The following KIAA1191 variants were observed in gnomAD, a reference collection of about 807,000 sequenced individuals.
KIAA1191 encodes putative monooxygenase p33MONOX.
KIAA1191 carries 22 observed loss-of-function variants against 31.1 expected under a neutral mutation model. The observed-to-expected ratio is 0.71, with a 90% CI of 0.51 to 1.01. The LOEUF is 1.01. Ranked by LOEUF, KIAA1191 falls within the 50% of genes least tolerant of loss-of-function variation. The pLI is 0.00. For missense variants in KIAA1191, 319 were observed against 388.0 expected (o/e 0.82, Z 1.49); for synonymous variants, 130 against 143.9 (o/e 0.90, Z 0.69).
At position 176,347,931 on chromosome 5, in the gene KIAA1191, C is replaced by T; in HGVS notation, c.699G>A (p.Lys233=). Residue 233 remains lysine (K), a synonymous_variant, in exon 8 of 9, where the codon AAG becomes AAA. Transcript: ENST00000298569. ...WSLFGPRSLQ[K]YDSGSFATQA... is the part of the protein sequence containing the mutation. ...AAGGTGCTGCCTTACCAGAATCGTA[C>T]TTCTGAAGGGATCTCGGTCCAAAGA... The T allele has an allele frequency of 6.2e-7, 1 of 1,614,170 alleles. No individual in the cohort carries two copies. Among genetic ancestry groups the T allele is most frequent in the Non-Finnish European group, 8.5e-7 (1 of 1,180,034 alleles).
chr5:176,348,318 C>G lies in KIAA1191; in HGVS notation c.498G>C (p.Glu166Asp), dbSNP rs1365328112. The G allele has an allele frequency of 5.6e-6, 9 of 1,613,590 alleles. No homozygotes were observed. The highest frequency in any genetic ancestry group is 7.6e-6 in the Non-Finnish European group (9 of 1,179,976). Reference protein sequence around the residue: ...KLQSGEVTKEERQPASAQSTP... With the variant: ...KLQSGEVTKEDRQPASAQSTP... ...TGGACTGGGCTGATGCAGGCTGCCT[C>G]TCTTCTTTTGTTACCTCTCCACTCT... Residue 166 changes from glutamate (E) to aspartate (D), a missense_variant, in exon 7 of 9, where the codon GAG becomes GAC. By Grantham distance (45) the Glu-to-Asp change is conservative. Coordinates refer to ENST00000298569, the MANE Select transcript of KIAA1191 (RefSeq NM_020444.5).
intron 7 of KIAA1191, 90 bp from the exon 8 acceptor site, chr5:176,348,153 T>A: frequency 6.3e-7 from 1 of 1,593,178 alleles, no homozygotes; most frequent in South Asian, 1.1e-5. Context: ...AACTATCCCT[T>A]CTCCCTCTGA....
chr5:176,350,740 G>A lies in KIAA1191; in HGVS notation c.335-3C>T. On this transcript the variant is annotated splice_polypyrimidine_tract_variant and splice_region_variant and intron_variant, in intron 5 of 8. Coordinates refer to ENST00000298569, the MANE Select transcript of KIAA1191 (RefSeq NM_020444.5). Reference sequence around the variant, plus strand: ...CTGAATGCTTTCCTGGGTCTGTTCTGGGAACAGAGGAGATGACAGTCATGC... The same window carrying A: ...CTGAATGCTTTCCTGGGTCTGTTCTAGGAACAGAGGAGATGACAGTCATGC... 6.2e-7 allele frequency: 1 copy of A among 1,613,556 alleles called. No individual in the cohort carries two copies. Among genetic ancestry groups the A allele is most frequent in the East Asian group, 2.2e-5 (1 of 44,876 alleles).
intron 1 of KIAA1191, among the ~76,000 whole-genome samples, chr5:176,360,188 A>G (rs1767876903): frequency 7.9e-6 from 1 of 127,292 alleles, no homozygotes; most frequent in South Asian, 2.3e-4. Flanking sequence ...ACGGAGTCTC[A>G]CTCTGTCGCC....
chr5:176,354,784 C>G lies in KIAA1191; in HGVS notation c.207+787G>C, dbSNP rs534046599. On this transcript the variant is annotated intron_variant, in intron 4 of 8. Coordinates refer to ENST00000298569, the MANE Select transcript of KIAA1191 (RefSeq NM_020444.5). ...TACAAACCTAGACATGGCCCCTGTC[C>G]TCAGGAAGCTAATGGAGGGCGAGAA... Among the ~76,000 whole-genome samples the G allele has an allele frequency of 3.3e-5, 5 of 152,220 alleles. No individual in the cohort carries two copies. The East Asian group carries it at 9.7e-4, about 29-fold the overall frequency.
rs1767997991 is a variant in KIAA1191, at chr5:176,361,384, A to C, written c.-168+218T>G. On this transcript the variant is annotated intron_variant, in intron 1 of 8. Coordinates refer to ENST00000298569, the MANE Select transcript of KIAA1191 (RefSeq NM_020444.5). This position sits in a 1 kb window ranked among gnomAD's most constrained non-coding sequence, Gnocchi z 4.0. Reference sequence around the variant, plus strand: ...GAAGCCCGTACGGGAGCTGCAGGGCATTCCCGGAGAGAAGCCCCATTACGG... The same window carrying C: ...GAAGCCCGTACGGGAGCTGCAGGGCCTTCCCGGAGAGAAGCCCCATTACGG... The C allele has an allele frequency of 6.6e-6, 1 of 152,448 alleles. No homozygotes were observed. Among genetic ancestry groups the C allele is most frequent in the South Asian group, 2.1e-4 (1 of 4,834 alleles). 9.4% of individuals were successfully genotyped at this position (152,448 alleles called of 1,614,324 possible). A position where few individuals can be genotyped will look rare whatever the true frequency, so the allele number is the denominator to read the frequency against.
At chr5:176,356,741 T>G (rs1767536009) in intron 3 of KIAA1191, among the ~76,000 whole-genome samples, 3 of 152,178 alleles carry the variant, frequency 2.0e-5, no homozygotes, top group African/African-American at 7.2e-5. Context: ...GTCCAGAACC[T>G]ACCTGAAAGG....
In KIAA1191 at chr5:176,348,313, T is replaced by C. The variant is rs1766698792; in HGVS notation, c.503A>G (p.Gln168Arg). Residue 168 changes from glutamine to arginine, a missense_variant, in exon 7 of 9, where the codon CAG (glutamine) becomes CGG (arginine). By Grantham distance (43) the Gln-to-Arg change is conservative (BLOSUM62 1). Coordinates refer to ENST00000298569, the MANE Select transcript of KIAA1191 (RefSeq NM_020444.5). Reference protein sequence around the residue: ...QSGEVTKEERQPASAQSTPST... With the variant: ...QSGEVTKEERRPASAQSTPST... ...TGGGGTGGACTGGGCTGATGCAGGC[T>C]GCCTCTCTTCTTTTGTTACCTCTCC... The C allele has an allele frequency of 6.2e-7, 1 of 1,613,768 alleles. No individual in the cohort carries two copies. Among genetic ancestry groups the C allele is most frequent in the African/African-American group, 1.3e-5 (1 of 74,812 alleles).
At position 176,347,556 on chromosome 5, in the gene KIAA1191, G is replaced by A. The variant is rs1023692658; in HGVS notation, c.*44C>T. The A allele has an allele frequency of 1.4e-6, 2 of 1,387,250 alleles. No individual in the cohort carries two copies. Among genetic ancestry groups the A allele is most frequent in the Non-Finnish European group, 1.9e-6 (2 of 1,039,632 alleles). The allele number at this position is 1,387,250 out of a possible 1,614,324, so 85.9% of individuals were successfully genotyped here. A position where few individuals can be genotyped will look rare whatever the true frequency, so the allele number is the denominator to read the frequency against. ...TCAAAGCCAAGGTAAAAGGGGAGTG[G>A]GATGCAAGAAACCACCTTTACCAGA... is the stretch of plus-strand genomic sequence containing the variant. On this transcript the variant is annotated 3_prime_UTR_variant, in exon 9 of 9. Transcript: ENST00000298569.
At position 176,346,481 on chromosome 5, in the gene KIAA1191, A is replaced by T; in HGVS notation, c.*1119T>A. The T allele has an allele frequency of 6.6e-6, 1 of 152,270 alleles. No homozygotes were observed. The highest frequency in any genetic ancestry group is 1.9e-4 in the East Asian group (1 of 5,208). 9.4% of individuals were successfully genotyped at this position (152,270 alleles called of 1,614,324 possible). On this transcript the variant is annotated 3_prime_UTR_variant, in exon 9 of 9. Transcript: ENST00000298569. ...AACCTCAAGACTATAATCTAACGGT[A>T]TCTACCATCTCCTTTACTTTAAAAA...
chr5:176,356,378 A>G (rs187333417), intron 3 of KIAA1191, among the ~76,000 whole-genome samples: 17 of 152,318 alleles, frequency 1.1e-4, no homozygotes, highest in Non-Finnish European at 7.3e-5. Flanking sequence ...CTAGGGGTAA[A>G]GTGACCTTCC....
intron 5 of KIAA1191, 148 bp from the exon 6 acceptor site, chr5:176,350,885 C>T (rs983922656): frequency 1.0e-6 from 1 of 969,150 alleles, no homozygotes; most frequent in Non-Finnish European, 1.5e-6. Flanking sequence ...AGAGGCACCA[C>T]AGCAGTAATT....
chr5:176,359,422 T>C, intron 3 of KIAA1191, 59 bp downstream of exon 3: 3 of 1,517,354 alleles, frequency 2.0e-6, no homozygotes, highest in Non-Finnish European at 2.7e-6. Context: ...ATGGTTTCTG[T>C]CTAGCTTAAA....
At chr5:176,352,156 AAAAAAAAAAAAC>A (rs563130478) in intron 5 of KIAA1191, among the ~76,000 whole-genome samples, 165 of 148,326 alleles carry the variant, frequency 1.1e-3, no homozygotes, top group East Asian at 5.5e-3. Flanking sequence ...GAGCTGTTTA[AAAAAAAAAAAAC>A]AAAAAAAAAA....
chr5:176,352,539 G>A, intron 5 of KIAA1191, 83 bp downstream of exon 5: 1 of 1,496,474 alleles, frequency 6.7e-7, no homozygotes, highest in East Asian at 2.3e-5. Flanking sequence ...GCGTGTTGCA[G>A]TATCATCTCC....
chr5:176,357,703 G>A (rs1002233800), intron 3 of KIAA1191, among the ~76,000 whole-genome samples: 3 of 152,078 alleles, frequency 2.0e-5, no homozygotes, highest in Admixed American at 1.3e-4. Context: ...ACGGCTACAC[G>A]GAGTTTGTGG....
chr5:176,346,930 A>G lies in KIAA1191; in HGVS notation c.*670T>C, dbSNP rs978137479. 3.9e-5 allele frequency: 6 copies of G among 152,248 alleles called. No individual in the cohort carries two copies. Among genetic ancestry groups the G allele is most frequent in the African/African-American group, 9.6e-5 (4 of 41,458 alleles). The allele number at this position is 152,248 out of a possible 1,614,324, so 9.4% of individuals were successfully genotyped here. On this transcript the variant is annotated 3_prime_UTR_variant, in exon 9 of 9. Transcript: ENST00000298569. ...TAAGCCATGATTTGTCAATGCTCAC[A>G]TGGATAGTGGTAAAGGAATAAAGAA...
chr5:176,351,311 A>T (rs1341906075), intron 5 of KIAA1191, among the ~76,000 whole-genome samples: 1 of 151,772 alleles, frequency 6.6e-6, no homozygotes, highest in East Asian at 1.9e-4. Flanking sequence ...ACTGCACTCC[A>T]GCCTGGGCGA....
At position 176,355,856 on chromosome 5, in the gene KIAA1191, G is replaced by T; in HGVS notation, c.29-107C>A. The T allele has an allele frequency of 9.0e-7, 1 of 1,112,622 alleles. No individual in the cohort carries two copies. Among genetic ancestry groups the T allele is most frequent in the Non-Finnish European group, 1.3e-6 (1 of 748,596 alleles). The allele number at this position is 1,112,622 out of a possible 1,614,324, so 68.9% of individuals were successfully genotyped here. A position where few individuals can be genotyped will look rare whatever the true frequency, so the allele number is the denominator to read the frequency against. On this transcript the variant is annotated intron_variant, in intron 3 of 8. Coordinates refer to ENST00000298569, the MANE Select transcript of KIAA1191 (RefSeq NM_020444.5). The surrounding 1 kb of genome is among the most constrained non-coding windows in gnomAD (Gnocchi z 4.2). ...TCTGAAATACTCTTGTTCTTGAACAGAGCAAAATAGCTTGTTTTGGAGTAG... is the reference window on the plus strand; with the variant it reads ...TCTGAAATACTCTTGTTCTTGAACATAGCAAAATAGCTTGTTTTGGAGTAG...
Sources: gnomAD v4.1 joint callset for allele counts (sites outside exome capture counted in the v4.1 genomes callset) on GRCh38, gnomAD v4.1.1 for gene constraint, Gnocchi (gnomAD v3.1) non-coding constraint, MANE v1.5 for transcripts, NCBI Gene and HGNC (gene_info 2026-07-23, HGNC 2026-07-21) for gene names.